The following PTBP2 variants were observed in gnomAD, a reference collection of about 807,000 sequenced individuals.
PTBP2 encodes polypyrimidine tract-binding protein 2.
PTBP2 carries 13 observed loss-of-function variants against 61.4 expected under a neutral mutation model. The ratio of observed to expected loss-of-function variants is 0.21; its 90% CI spans 0.14 to 0.34. The LOEUF (loss-of-function observed/expected upper bound fraction) is 0.34, where lower values mean the gene tolerates loss of function less well. Among genes scored for constraint, PTBP2 ranks in the 10% least tolerant of loss-of-function variants. The pLI is 1.00. For missense variants in PTBP2, 405 were observed against 642.6 expected (o/e 0.63, Z 4.00); for synonymous variants, 215 against 218.5 (o/e 0.98, Z 0.14).
At chr1:96,731,766 A>G (rs79450812) in intron 2 of PTBP2, among the ~76,000 whole-genome samples, 2,888 of 152,088 alleles carry the variant, frequency 0.019, 92 homozygotes, top group African/African-American at 0.065. Flanking sequence ...AATATTTGTG[A>G]GTTTGTAATA....
At chr1:96,802,211 G>GGGAA (rs371361869) in intron 8 of PTBP2, among the ~76,000 whole-genome samples, 1 of 54,006 alleles carries the variant, frequency 1.9e-5, no homozygotes, top group African/African-American at 8.2e-5. Flanking sequence ...ACTCCGTCTC[G>GGGAA]AAAAAAAAAA....
chr1:96,799,543 A>G (rs1465518507), intron 8 of PTBP2, among the ~76,000 whole-genome samples: 4 of 152,072 alleles, frequency 2.6e-5, no homozygotes, highest in African/African-American at 9.6e-5. Context: ...TGATAGATCA[A>G]GTATTTTTAT....
intron 8 of PTBP2, among the ~76,000 whole-genome samples, chr1:96,787,882 T>C (rs1334983525): frequency 6.6e-6 from 1 of 152,186 alleles, no homozygotes; most frequent in African/African-American, 2.4e-5. Context: ...CCTTGTACTT[T>C]TTTGCCTCTC....
intron 3 of PTBP2, among the ~76,000 whole-genome samples, chr1:96,756,928 CTT>C (rs1441341071): frequency 6.6e-6 from 1 of 152,050 alleles, no homozygotes; most frequent in Non-Finnish European, 1.5e-5. Context: ...TAACTACAGA[CTT>C]TGAGTGATTA....
intron 2 of PTBP2, among the ~76,000 whole-genome samples, chr1:96,745,838 G>T (rs558585701): frequency 6.6e-6 from 1 of 151,958 alleles, no homozygotes; most frequent in Admixed American, 6.6e-5. Flanking sequence ...AGGCCAGGGC[G>T]GGCAGATCAC....
exon 14 of PTBP2, chr1:96,820,718 A>G (rs1351041023): frequency 6.6e-6 from 1 of 151,968 alleles, no homozygotes; most frequent in Non-Finnish European, 1.5e-5. Flanking sequence ...AGTAGTGTCT[A>G]TATATTTCTT....
chr1:96,765,151 A>T (rs1656528888), intron 3 of PTBP2, among the ~76,000 whole-genome samples: 2 of 151,770 alleles, frequency 1.3e-5, no homozygotes, highest in African/African-American at 4.8e-5. Flanking sequence ...TGTTTTTCTA[A>T]AGCTAGAAAA....
rs367789226 is a variant in PTBP2, at chr1:96,763,859, C to A, written c.116-5844C>A. ...AGTCTGCATATATTCTAAGAGACAC[C>A]AATTTGAATACTGTTGCTTATAAGA... On this transcript the variant is annotated intron_variant, in intron 3 of 13. Coordinates refer to ENST00000674951, the MANE Select transcript of PTBP2 (RefSeq NM_021190.4). Among the ~76,000 whole-genome samples the A allele has an allele frequency of 2.0e-5, 3 of 151,906 alleles. No homozygotes were observed. The East Asian group carries it at 5.8e-4, about 29-fold the overall frequency.
chr1:96,752,522 T>A (rs1321762970), intron 3 of PTBP2, among the ~76,000 whole-genome samples: 2 of 152,080 alleles, frequency 1.3e-5, no homozygotes, highest in African/African-American at 4.8e-5. Context: ...GATAAATTTG[T>A]CAACAGGTCA....
chr1:96,782,779 A>C (rs1658830570), intron 7 of PTBP2, among the ~76,000 whole-genome samples: 1 of 152,042 alleles, frequency 6.6e-6, no homozygotes, highest in African/African-American at 2.4e-5. Flanking sequence ...ATCAATAGTA[A>C]ACGATGAGAA....
downstream of PTBP2, chr1:96,819,560 A>G (rs1662607025): frequency 1.3e-5 from 2 of 151,906 alleles, no homozygotes; most frequent in Admixed American, 6.6e-5. Flanking sequence ...ACCATAATCA[A>G]CCAGTTAGAT....
chr1:96,802,671 C>G (rs939006626), intron 8 of PTBP2, among the ~76,000 whole-genome samples: 2 of 152,120 alleles, frequency 1.3e-5, no homozygotes, highest in African/African-American at 4.8e-5. Context: ...TGGTACTGAA[C>G]TTCTTCTGCA....
chr1:96,768,618 A>G (rs951306213), intron 3 of PTBP2, among the ~76,000 whole-genome samples: 1 of 152,008 alleles, frequency 6.6e-6, no homozygotes, highest in Non-Finnish European at 1.5e-5. Context: ...GTATTTAAAT[A>G]TTACCTATTT....
chr1:96,806,948 A>T lies in PTBP2; in HGVS notation c.1161A>T (p.Gln387His). 6.2e-7 allele frequency: 1 copy of T among 1,605,892 alleles called. No homozygotes were observed. The stretch of plus-strand genomic sequence containing the variant: ...TAATACAGATGGCTGATGGAAACCA[A>T]TCACAACTTGGTAAGATTAAACTAT... ...SALIQMADGN[Q>H]SQLAMNHLNG... Residue 387 changes from glutamine to histidine, a missense_variant, in exon 11 of 14, where the codon CAA becomes CAT. Around this residue, in one of 4 missense-constraint regions of PTBP2, gnomAD observed 342 missense variants for 491.2 expected, o/e 0.70. Coordinates refer to ENST00000674951, the MANE Select transcript of PTBP2 (RefSeq NM_021190.4).
intron 3 of PTBP2, among the ~76,000 whole-genome samples, chr1:96,762,902 G>T (rs1294997351): frequency 2.0e-5 from 3 of 151,592 alleles, no homozygotes; most frequent in African/African-American, 7.3e-5. Flanking sequence ...TCCCAGACGG[G>T]GTCGCGGCCG....
At chr1:96,815,576 A>C (rs1368759948), downstream of PTBP2, 3 of 152,122 alleles carry the variant, frequency 2.0e-5, no homozygotes, top group Admixed American at 6.6e-5. Flanking sequence ...ATAACTTTGG[A>C]GTTACACATG....
chr1:96,740,201 A>G (rs1395725447), intron 2 of PTBP2, among the ~76,000 whole-genome samples: 1 of 152,204 alleles, frequency 6.6e-6, no homozygotes, highest in African/African-American at 2.4e-5. Context: ...AAAATACCAT[A>G]GACTGAGTGA....
chr1:96,763,458 A>G (rs959094575), intron 3 of PTBP2, among the ~76,000 whole-genome samples: 5 of 151,148 alleles, frequency 3.3e-5, no homozygotes, highest in East Asian at 2.0e-4. Flanking sequence ...CGTGCCTGCA[A>G]TAGCAGGCAC....
rs41299549 is a variant in PTBP2 at position 96,813,115 on chromosome 1, G to A, written c.1466+9G>A. The stretch of plus-strand genomic sequence containing the variant: ...GCATTTAAGTTTTTTCAGTAAGCAA[G>A]CTTCCTTATCTTTAAATTAGTGACC... On this transcript the variant is annotated intron_variant, in intron 13 of 13. Transcript: ENST00000674951. 2 of 1,602,916 alleles carry A rather than the reference G, an allele frequency of 1.2e-6. No homozygotes were observed. The highest frequency in any genetic ancestry group is 8.5e-7 in the Non-Finnish European group (1 of 1,172,594).
Sources: gnomAD v4.1 joint callset for allele counts (sites outside exome capture counted in the v4.1 genomes callset) on GRCh38, gnomAD v4.1.1 for gene constraint, gnomAD v4.1.1 regional missense constraint, MANE v1.5 for transcripts, NCBI Gene and HGNC (gene_info 2026-07-23, HGNC 2026-07-21) for gene names.